ERBB4: variants seen among roughly 807,000 people sequenced by gnomAD.
ERBB4 encodes receptor tyrosine-protein kinase erbB-4.
ERBB4 carries 42 observed loss-of-function variants against 158.0 expected under a neutral mutation model. The ratio of observed to expected loss-of-function variants is 0.27; its 90% confidence interval spans 0.21 to 0.34. ERBB4 has a LOEUF of 0.34. Among genes scored for constraint, ERBB4 ranks in the 10% least tolerant of loss-of-function variants. The pLI, the probability that ERBB4 is intolerant of heterozygous loss-of-function variation, is 1.00. For synonymous variants in ERBB4, 583 were observed against 558.7 expected, an observed-to-expected ratio of 1.04 and a Z score of -0.61; for missense variants, 1,333 against 1,624.1, an observed-to-expected ratio of 0.82 and a Z score of 3.08.
At chr2:212,423,153 G>A (rs905016065) in intron 1 of ERBB4, among the ~76,000 whole-genome samples, 1 of 152,044 alleles carries the variant, frequency 6.6e-6, no homozygotes, top group East Asian at 1.9e-4. Flanking sequence ...TAAGTATATA[G>A]GGTTTAGGTA....
At chr2:211,516,765 G>A (rs1393327952) in intron 20 of ERBB4, among the ~76,000 whole-genome samples, 1 of 152,114 alleles carries the variant, frequency 6.6e-6, no homozygotes, top group African/African-American at 2.4e-5. Flanking sequence ...ATCTCTAAGG[G>A]ACAGATTTCA....
chr2:212,165,445 C>T (rs62182562), intron 1 of ERBB4, among the ~76,000 whole-genome samples: 31,096 of 151,676 alleles, frequency 0.21, 3,527 homozygotes, highest in South Asian at 0.34. Context: ...GAGGGTAAAT[C>T]CTTTCATATA....
chr2:211,435,002 C>A (rs1203484337), intron 20 of ERBB4, among the ~76,000 whole-genome samples: 1 of 152,180 alleles, frequency 6.6e-6, no homozygotes, highest in African/African-American at 2.4e-5. Flanking sequence ...ACATCACAGT[C>A]ATTAAATAGG....
At chr2:212,240,420 G>A (rs1489377853) in intron 1 of ERBB4, among the ~76,000 whole-genome samples, 1 of 151,666 alleles carries the variant, frequency 6.6e-6, no homozygotes, top group Non-Finnish European at 1.5e-5. Context: ...GCCGAGATGG[G>A]CGTATCACGA....
chr2:212,285,462 G>T (rs1483059773), intron 1 of ERBB4, among the ~76,000 whole-genome samples: 1 of 151,550 alleles, frequency 6.6e-6, no homozygotes, highest in African/African-American at 2.4e-5. Context: ...AGCCAAAATT[G>T]CTAATAACTT....
intron 1 of ERBB4, among the ~76,000 whole-genome samples, chr2:212,394,998 G>T (rs1185386241): frequency 6.6e-6 from 1 of 152,192 alleles, no homozygotes; most frequent in South Asian, 2.1e-4. Context: ...AGCATAATAT[G>T]AATACATTAG....
intron 1 of ERBB4, among the ~76,000 whole-genome samples, chr2:212,232,077 C>A (rs1040505371): frequency 6.6e-5 from 10 of 152,050 alleles, no homozygotes; most frequent in Non-Finnish European, 1.0e-4. Context: ...TAATTAAACT[C>A]TTTATGCATC....
chr2:211,402,241 G>A (rs182288302), intron 25 of ERBB4, among the ~76,000 whole-genome samples: 7 of 151,904 alleles, frequency 4.6e-5, no homozygotes, highest in South Asian at 4.2e-4. Context: ...ATAACCAACC[G>A]GTTACATTAG....
intron 2 of ERBB4, among the ~76,000 whole-genome samples, chr2:212,020,281 T>C (rs1333614538): frequency 2.6e-5 from 4 of 152,036 alleles, no homozygotes; most frequent in Non-Finnish European, 5.9e-5. Context: ...CTAAAAAAAA[T>C]AGACTCAATA....
intron 3 of ERBB4, among the ~76,000 whole-genome samples, chr2:211,870,910 A>G (rs75618069): frequency 0.046 from 7,022 of 152,218 alleles, 270 homozygotes; most frequent in Middle Eastern, 0.068. Context: ...TTCATTCAAC[A>G]ATCAATTACT....
chr2:211,563,190 C>G (rs1394371156), intron 19 of ERBB4, among the ~76,000 whole-genome samples: 1 of 152,072 alleles, frequency 6.6e-6, no homozygotes, highest in South Asian at 2.1e-4. Flanking sequence ...TATTATAAGA[C>G]TCTTGATTGT....
chr2:211,718,112 A>G (rs565456341), intron 7 of ERBB4, among the ~76,000 whole-genome samples: 1 of 152,138 alleles, frequency 6.6e-6, no homozygotes, highest in South Asian at 2.1e-4. Context: ...GGGTTTCACT[A>G]TGTTGGCCAG....
At chr2:211,500,690 C>A (rs1273057945) in intron 20 of ERBB4, among the ~76,000 whole-genome samples, 1 of 151,918 alleles carries the variant, frequency 6.6e-6, no homozygotes, top group Non-Finnish European at 1.5e-5. Flanking sequence ...TTTTAATATT[C>A]TATATGTAAG....
At chr2:211,701,159 TA>T (rs1403797564) in intron 12 of ERBB4, among the ~76,000 whole-genome samples, 1 of 152,190 alleles carries the variant, frequency 6.6e-6, no homozygotes, top group African/African-American at 2.4e-5. Flanking sequence ...CATGTCTACA[TA>T]AATGCATTAA....
At chr2:212,530,832 T>A (rs1156246703) in intron 1 of ERBB4, among the ~76,000 whole-genome samples, 1 of 152,186 alleles carries the variant, frequency 6.6e-6, no homozygotes, top group Non-Finnish European at 1.5e-5. Flanking sequence ...TGAAACCGAT[T>A]GTTTACAAGT....
At chr2:212,424,385 A>T (rs1269725539) in intron 1 of ERBB4, among the ~76,000 whole-genome samples, 1 of 151,812 alleles carries the variant, frequency 6.6e-6, no homozygotes, top group African/African-American at 2.4e-5. Context: ...ATTCCTGTTG[A>T]CTCCCCTTCA....
In ERBB4 at chr2:211,715,905, A is replaced by G. The variant is rs192212715; in HGVS notation, c.884-2257T>C. Reference sequence around the variant, plus strand: ...TAATACATCTTGGGAAATGCGTTACAATGAAACCCTTTCACATTTCTGCCG... The same window carrying G: ...TAATACATCTTGGGAAATGCGTTACGATGAAACCCTTTCACATTTCTGCCG... On this transcript the variant is annotated intron_variant, in intron 7 of 27. Transcript: ENST00000342788. Among the ~76,000 whole-genome samples, 74 of 152,338 alleles carry G rather than the reference A, an allele frequency of 4.9e-4. 1 individual carries two copies. The South Asian group carries it at 8.5e-3, about 17-fold the overall frequency.
chr2:211,594,432 C>T (rs1203803080), intron 19 of ERBB4, among the ~76,000 whole-genome samples: 1 of 151,656 alleles, frequency 6.6e-6, no homozygotes, highest in Non-Finnish European at 1.5e-5. Context: ...GAGCAAGACT[C>T]CATTTCTACA....
chr2:211,640,018 T>C (rs893273392), intron 16 of ERBB4, among the ~76,000 whole-genome samples: 4 of 152,140 alleles, frequency 2.6e-5, no homozygotes, highest in African/African-American at 9.7e-5. Flanking sequence ...CCACCAAGTC[T>C]AGCCTTGAAA....
Sources: gnomAD v4.1 joint callset for allele counts (sites outside exome capture counted in the v4.1 genomes callset) on GRCh38, gnomAD v4.1.1 for gene constraint, MANE v1.5 for transcripts, NCBI Gene and HGNC (gene_info 2026-07-23, HGNC 2026-07-21) for gene names.